The following CPNE1 variants were observed in gnomAD, a reference collection of about 807,000 sequenced individuals.
CPNE1 encodes the protein copine-1.
A neutral mutation model predicts 63.2 loss-of-function variants in CPNE1; 58 were observed. The ratio of observed to expected loss-of-function variants is 0.92; its 90% CI spans 0.74 to 1.14. The LOEUF is 1.14. Among genes scored for constraint, CPNE1 ranks in the 50% most tolerant of loss-of-function variants. The pLI is 0.00. For synonymous variants in CPNE1, 237 were observed against 249.0 expected, an observed-to-expected ratio of 0.95 and a Z score of 0.45; for missense variants, 672 against 661.7, an observed-to-expected ratio of 1.02 and a Z score of -0.17.
At chr20:35,653,511 T>C (rs1449147439) in intron 1 of CPNE1, 1 of 1,614,128 alleles carries the variant, frequency 6.2e-7, no homozygotes, top group Non-Finnish European at 8.5e-7. Context: ...TTTTACGGTG[T>C]AAGCGTTCAG....
At chr20:35,653,010 A>G (rs532628923) in intron 1 of CPNE1, 1 of 1,613,774 alleles carries the variant, frequency 6.2e-7, no homozygotes, top group African/African-American at 1.3e-5. Flanking sequence ...CACCTCCAAA[A>G]CCCGGAACAT....
chr20:35,661,860 G>C (rs945856988), intron 1 of CPNE1, among the ~76,000 whole-genome samples: 1 of 152,114 alleles, frequency 6.6e-6, no homozygotes, highest in Non-Finnish European at 1.5e-5. Context: ...TAATCAACAA[G>C]AACCAGGGTA....
chr20:35,631,816 T>C (rs773103707), intron 6 of CPNE1, 39 bp from the exon 7 acceptor site: 1 of 1,581,086 alleles, frequency 6.3e-7, no homozygotes, highest in South Asian at 1.1e-5. Flanking sequence ...AGCTCTGGCA[T>C]GGCCCCCTGA....
At position 35,630,877 on chromosome 20, in the gene CPNE1, T is replaced by C. The variant is rs199842854; in HGVS notation, c.995+24A>G. On this transcript the variant is annotated intron_variant, in intron 11 of 15. Coordinates refer to ENST00000397443, the MANE Select transcript of CPNE1 (RefSeq NM_152925.3). ...CTGAAGCATCTGCAGGGAGCGGGTA[T>C]AGCCCAGAGAAGCAGGTACTCACGA... The C allele has an allele frequency of 1.3e-5, 21 of 1,603,178 alleles. No homozygotes were observed. The African/African-American group carries it at 2.5e-4, about 19-fold the overall frequency.
intron 1 of CPNE1, among the ~76,000 whole-genome samples, chr20:35,656,581 C>T (rs568519805): frequency 1.3e-5 from 2 of 152,340 alleles, no homozygotes; most frequent in South Asian, 4.1e-4. Flanking sequence ...GTAGCCCAGG[C>T]TGCAGTGCAA....
At chr20:35,663,752 C>G (rs1040586248) in intron 1 of CPNE1, among the ~76,000 whole-genome samples, 2 of 152,160 alleles carry the variant, frequency 1.3e-5, no homozygotes, top group Admixed American at 6.6e-5. Context: ...ACAAAAAGCC[C>G]GTACGTTTAC....
chr20:35,626,642 T>G lies in CPNE1; in HGVS notation c.1398A>C (p.Gly466=), dbSNP rs1601412938. 1 of 1,613,902 alleles carries G rather than the reference T, an allele frequency of 6.2e-7. No individual in the cohort carries two copies. ...CCTGCCCAGAACGTGTATGCAGGGG[T>G]CCACCATCAGCGTCCAGCTGCTCCA... ...EAMEQLDADG[G]PLHTRSGQAA... Residue 466 remains glycine, a synonymous_variant, in exon 15 of 16, where the codon GGA becomes GGC. Coordinates refer to ENST00000397443, the MANE Select transcript of CPNE1 (RefSeq NM_152925.3).
In CPNE1 at chr20:35,636,445, G is replaced by A. The variant is rs144966663; in HGVS notation, c.1-3522C>T. Among the ~76,000 whole-genome samples the A allele has an allele frequency of 3.2e-3, 492 of 152,268 alleles. 2 individuals carry two copies. Among genetic ancestry groups the A allele is most frequent in the African/African-American group, 0.011 (457 of 41,534 alleles). On this transcript the variant is annotated intron_variant, in intron 1 of 15. Transcript: ENST00000397443. ...ACTAAATATGATACATCTGAACAAC[G>A]GAATGCTGAATAGTGGCTAAAAAAC...
intron 13 of CPNE1, among the ~76,000 whole-genome samples, chr20:35,629,214 A>G (rs1206031666): frequency 6.6e-6 from 1 of 152,270 alleles, no homozygotes; most frequent in Non-Finnish European, 1.5e-5. Context: ...CTGACCCCTG[A>G]GTTCCAAGGG....
intron 1 of CPNE1, among the ~76,000 whole-genome samples, chr20:35,658,455 A>C (rs773124385): frequency 2.0e-5 from 3 of 152,134 alleles, no homozygotes; most frequent in Non-Finnish European, 4.4e-5. Context: ...CCTATCCCTC[A>C]GATAAACTTG....
At chr20:35,663,688 A>C (rs1329654628) in intron 1 of CPNE1, among the ~76,000 whole-genome samples, 1 of 152,194 alleles carries the variant, frequency 6.6e-6, no homozygotes, top group Non-Finnish European at 1.5e-5. Context: ...AATACTGAGT[A>C]ACCCTCACAA....
chr20:35,642,042 A>G (rs1284522229), intron 1 of CPNE1, among the ~76,000 whole-genome samples: 1 of 152,224 alleles, frequency 6.6e-6, no homozygotes, highest in Non-Finnish European at 1.5e-5. Context: ...CCAGTTTACC[A>G]GCATACTACT....
At chr20:35,646,045 C>A (rs558491251) in intron 1 of CPNE1, among the ~76,000 whole-genome samples, 1 of 151,664 alleles carries the variant, frequency 6.6e-6, no homozygotes, top group South Asian at 2.1e-4. Flanking sequence ...GAGTTCAAGA[C>A]CGGCCTGAGC....
At chr20:35,637,058 C>T (rs574532908) in intron 1 of CPNE1, among the ~76,000 whole-genome samples, 203 of 152,112 alleles carry the variant, frequency 1.3e-3, no homozygotes, top group African/African-American at 4.8e-3. Flanking sequence ...ACAAAACAAG[C>T]AAAATAAATA....
intron 1 of CPNE1, among the ~76,000 whole-genome samples, chr20:35,635,546 G>C (rs775677897): frequency 2.0e-5 from 3 of 151,948 alleles, no homozygotes; most frequent in African/African-American, 7.3e-5. Flanking sequence ...GGTTCACCAC[G>C]ACAACACCTG....
intron 1 of CPNE1, chr20:35,649,099 A>G (rs760678979): frequency 6.5e-5 from 10 of 152,778 alleles, no homozygotes; most frequent in African/African-American, 1.2e-4. Context: ...TTTGGTTTCT[A>G]AAGTCTGGAC....
intron 11 of CPNE1, 47 bp from the exon 12 acceptor site, chr20:35,630,842 A>C: frequency 1.2e-6 from 2 of 1,606,098 alleles, no homozygotes; most frequent in Admixed American, 1.7e-5. Context: ...GGGGACTGTA[A>C]GCTCAGAGGC....
At chr20:35,629,792 A>G (rs2031996307) in intron 13 of CPNE1, among the ~76,000 whole-genome samples, 1 of 151,844 alleles carries the variant, frequency 6.6e-6, no homozygotes, top group Non-Finnish European at 1.5e-5. Context: ...CTGAGTAGCT[A>G]GAACTACAGG....
chr20:35,632,591 A>C lies in CPNE1; in HGVS notation c.235T>G (p.Tyr79Asp). 1 of 1,612,350 alleles carries C rather than the reference A, an allele frequency of 6.2e-7. No individual in the cohort carries two copies. Among genetic ancestry groups the C allele is most frequent in the African/African-American group, 1.3e-5 (1 of 75,010 alleles). ...TCTGGCGTCTTGTTGTCTATGTCAT[A>C]GATTCCAAAGCGTAGCTTCTGGACT... ...ETVQKLRFGI[Y>D]DIDNKTPELR... The change falls in exon 3 of 16, where the codon TAT (tyrosine) becomes GAT (aspartate). Residue 79 changes from tyrosine to aspartate, a missense_variant. By Grantham distance (160) the Tyr-to-Asp change is radical. Coordinates refer to ENST00000397443, the MANE Select transcript of CPNE1 (RefSeq NM_152925.3).
Sources: gnomAD v4.1 joint callset for allele counts (sites outside exome capture counted in the v4.1 genomes callset) on GRCh38, gnomAD v4.1.1 for gene constraint, MANE v1.5 for transcripts, NCBI Gene and HGNC (gene_info 2026-07-23, HGNC 2026-07-21) for gene names.